The following KCTD8 variants were observed in gnomAD, a reference collection of about 807,000 sequenced individuals.
The protein encoded by KCTD8 is potassium channel tetramerization domain containing 8, also known as BTB/POZ domain-containing protein KCTD8.
A neutral mutation model predicts 31.5 loss-of-function variants in KCTD8; 27 were observed. That is an observed-to-expected ratio of 0.86 (90% CI 0.63 to 1.18). KCTD8 has a LOEUF of 1.18. Ranked by LOEUF, KCTD8 falls within the 50% of genes most tolerant of loss-of-function variation. The probability of loss-of-function intolerance (pLI) is 0.00; values close to 1 mark genes in which losing one functional copy is unlikely to be tolerated. For synonymous variants in KCTD8, 290 were observed against 280.0 expected (o/e 1.04, Z -0.36); for missense variants, 658 against 647.7 (o/e 1.02, Z -0.17).
intron 1 of KCTD8, among the ~76,000 whole-genome samples, chr4:44,433,237 C>G (rs1170712916): frequency 1.3e-5 from 2 of 151,744 alleles, no homozygotes; most frequent in African/African-American, 4.8e-5. Flanking sequence ...GAGTCATTAC[C>G]TATATCTTTT....
At chr4:44,211,478 G>C (rs775155201) in intron 1 of KCTD8, among the ~76,000 whole-genome samples, 87 of 151,980 alleles carry the variant, frequency 5.7e-4, no homozygotes, top group Non-Finnish European at 1.0e-3. Context: ...TATTTCTAAG[G>C]GTCACCCATA....
intron 1 of KCTD8, among the ~76,000 whole-genome samples, chr4:44,302,359 G>C (rs569696808): frequency 6.6e-6 from 1 of 152,228 alleles, no homozygotes; most frequent in South Asian, 2.1e-4. Flanking sequence ...AGCATGGAAT[G>C]TTCTTCCACT....
intron 1 of KCTD8, among the ~76,000 whole-genome samples, chr4:44,377,303 G>C (rs1719939469): frequency 6.6e-6 from 1 of 152,166 alleles, no homozygotes; most frequent in African/African-American, 2.4e-5. Flanking sequence ...GGACACTGCA[G>C]CCTGCAAAAC....
At chr4:44,263,215 T>C (rs532804307) in intron 1 of KCTD8, among the ~76,000 whole-genome samples, 1 of 152,300 alleles carries the variant, frequency 6.6e-6, no homozygotes, top group African/African-American at 2.4e-5. Flanking sequence ...AAAAACTTTC[T>C]CTTTTCTAGT....
chr4:44,437,712 A>G (rs558244450), intron 1 of KCTD8, among the ~76,000 whole-genome samples: 1 of 152,178 alleles, frequency 6.6e-6, no homozygotes, highest in Non-Finnish European at 1.5e-5. Context: ...TTGGCACACA[A>G]TACTTATGGC....
chr4:44,383,451 C>T (rs1006965327), intron 1 of KCTD8, among the ~76,000 whole-genome samples: 5 of 152,118 alleles, frequency 3.3e-5, no homozygotes, highest in Admixed American at 2.0e-4. Context: ...CAGCATGGTA[C>T]TGGCATAGAA....
chr4:44,364,811 C>T (rs1030178537), intron 1 of KCTD8, among the ~76,000 whole-genome samples: 4 of 151,460 alleles, frequency 2.6e-5, no homozygotes, highest in African/African-American at 9.7e-5. Context: ...AAAAAGGCTA[C>T]ATGCATGTGA....
At chr4:44,216,546 G>A (rs1031573181) in intron 1 of KCTD8, among the ~76,000 whole-genome samples, 10 of 152,114 alleles carry the variant, frequency 6.6e-5, no homozygotes, top group Admixed American at 5.2e-4. Context: ...AGGATATAGG[G>A]TAGTGTCTGG....
At position 44,247,989 on chromosome 4, in the gene KCTD8, G is replaced by T. The variant is rs572210771; in HGVS notation, c.962-72739C>A. On this transcript the variant is annotated intron_variant, in intron 1 of 1. Transcript: ENST00000360029. Reference sequence around the variant, plus strand: ...CTCATTTCTGGCTATATATCCAAAAGAATTGAAATTAGAATCTTGCAGAGA... The same window carrying T: ...CTCATTTCTGGCTATATATCCAAAATAATTGAAATTAGAATCTTGCAGAGA... Among the ~76,000 whole-genome samples, 7 of 151,948 alleles carry T rather than the reference G, an allele frequency of 4.6e-5. No homozygotes were observed. In the South Asian group the frequency reaches 1.5e-3, roughly 31 times the overall value.
At chr4:44,183,566 C>T (rs1254716631) in intron 1 of KCTD8, among the ~76,000 whole-genome samples, 2 of 152,038 alleles carry the variant, frequency 1.3e-5, no homozygotes, top group Non-Finnish European at 2.9e-5. Flanking sequence ...GAAAAGATAG[C>T]TTTTCCCAGT....
At chr4:44,239,598 C>A (rs1318922431) in intron 1 of KCTD8, among the ~76,000 whole-genome samples, 2 of 152,080 alleles carry the variant, frequency 1.3e-5, no homozygotes, top group East Asian at 1.9e-4. Flanking sequence ...TGGATGGTGA[C>A]AATTTATTAA....
rs757136998 is a variant in KCTD8 at position 44,175,170 on chromosome 4, T to G, written c.1042A>C (p.Ser348Arg). ...GAGAGCTCATTACAGGAAGTCCCAC[T>G]TTCACTTCCTTTATCAGTGACTTTG... Reference protein sequence around the residue: ...HDKVTDKGSESGTSCNELSTS... With the variant: ...HDKVTDKGSERGTSCNELSTS... The change falls in exon 2 of 2, where the codon AGT becomes CGT. Residue 348 changes from serine (S) to arginine (R), a missense_variant. Coordinates refer to ENST00000360029, the MANE Select transcript of KCTD8 (RefSeq NM_198353.3). The G allele has an allele frequency of 6.2e-7, 1 of 1,613,248 alleles. No homozygotes were observed. Among genetic ancestry groups the G allele is most frequent in the East Asian group, 2.2e-5 (1 of 44,868 alleles).
At chr4:44,397,134 A>G (rs1211592280) in intron 1 of KCTD8, among the ~76,000 whole-genome samples, 2 of 152,152 alleles carry the variant, frequency 1.3e-5, no homozygotes, top group African/African-American at 2.4e-5. Context: ...AGATTGCTAG[A>G]TTATGAATTG....
chr4:44,177,216 C>G (rs527346498), intron 1 of KCTD8, among the ~76,000 whole-genome samples: 68 of 152,184 alleles, frequency 4.5e-4, no homozygotes, highest in African/African-American at 1.5e-3. Flanking sequence ...CTTAAGCTCT[C>G]TTGCCTTCTG....
intron 1 of KCTD8, among the ~76,000 whole-genome samples, chr4:44,439,989 C>T (rs1029317995): frequency 2.0e-5 from 3 of 151,482 alleles, no homozygotes; most frequent in Non-Finnish European, 4.4e-5. Context: ...TGGAGTGCAA[C>T]GGTGGGATCT....
chr4:44,220,915 C>T (rs1440268256), intron 1 of KCTD8, among the ~76,000 whole-genome samples: 1 of 152,104 alleles, frequency 6.6e-6, no homozygotes, highest in Non-Finnish European at 1.5e-5. Context: ...CTTTCTACTT[C>T]TTAAATTTTG....
At chr4:44,353,413 T>A (rs949959397) in intron 1 of KCTD8, among the ~76,000 whole-genome samples, 2 of 152,078 alleles carry the variant, frequency 1.3e-5, no homozygotes, top group East Asian at 3.8e-4. Context: ...CAATGTGTAA[T>A]GATTAAATTA....
chr4:44,359,315 T>C (rs1387663703), intron 1 of KCTD8, among the ~76,000 whole-genome samples: 1 of 152,142 alleles, frequency 6.6e-6, no homozygotes, highest in African/African-American at 2.4e-5. Context: ...TTCTATTAAC[T>C]GGCTTTCCCT....
chr4:44,381,289 AAT>A (rs1720056126), intron 1 of KCTD8, among the ~76,000 whole-genome samples: 1 of 152,102 alleles, frequency 6.6e-6, no homozygotes, highest in Non-Finnish European at 1.5e-5. Context: ...TCCTAGAATT[AAT>A]AGATGAACTC....
Sources: gnomAD v4.1 joint callset for allele counts (sites outside exome capture counted in the v4.1 genomes callset) on GRCh38, gnomAD v4.1.1 for gene constraint, MANE v1.5 for transcripts, NCBI Gene and HGNC (gene_info 2026-07-23, HGNC 2026-07-21) for gene names.